The following ARMCX4 variants were observed in gnomAD, a reference collection of about 807,000 sequenced individuals.
The protein encoded by ARMCX4 is armadillo repeat-containing X-linked protein 4.
A neutral mutation model predicts 34.7 loss-of-function variants in ARMCX4; 3 were observed. The observed-to-expected ratio is 0.09, with a 90% CI of 0.04 to 0.22. The LOEUF (loss-of-function observed/expected upper bound fraction) is 0.22, where lower values mean the gene tolerates loss of function less well. Ranked by LOEUF, ARMCX4 falls within the 10% of genes least tolerant of loss-of-function variation. ARMCX4 has a pLI of 1.00. For synonymous variants in ARMCX4, 513 were observed against 632.8 expected, an observed-to-expected ratio of 0.81 and a Z score of 2.84; for missense variants, 1,448 against 1,720.8, an observed-to-expected ratio of 0.84 and a Z score of 2.81.
chrX:101,473,582 A>G (rs1556003576), intron 4 of ARMCX4, among the ~76,000 whole-genome samples: 1 of 110,258 alleles, frequency 9.1e-6, no homozygotes, highest in Non-Finnish European at 1.9e-5. Context: ...AGCAAATGTA[A>G]AAGAACAGAG....
chrX:101,457,513 C>T (rs938227721), intron 4 of ARMCX4, among the ~76,000 whole-genome samples: 36 of 110,936 alleles, frequency 3.2e-4, no homozygotes, highest in Non-Finnish European at 5.5e-4. Flanking sequence ...CACCTGAGGC[C>T]AGGAGTTTGA....
chrX:101,521,685 G>A (rs1171756946), intron 11 of ARMCX4, among the ~76,000 whole-genome samples: 1 of 110,720 alleles, frequency 9.0e-6, no homozygotes, highest in African/African-American at 3.3e-5. Context: ...TGTAAGCACT[G>A]TTTCAGCTGT....
At chrX:101,434,799 C>T (rs1246340555) in intron 2 of ARMCX4, among the ~76,000 whole-genome samples, 1 of 99,498 alleles carries the variant, frequency 1.0e-5, no homozygotes, top group Non-Finnish European at 2.0e-5. Flanking sequence ...CCCCTAACCC[C>T]ACAACAGGCC....
At chrX:101,430,568 G>T (rs1929936884) in intron 2 of ARMCX4, among the ~76,000 whole-genome samples, 1 of 112,412 alleles carries the variant, frequency 8.9e-6, no homozygotes, top group African/African-American at 3.2e-5. Flanking sequence ...GTGACAAATA[G>T]TCTAGCCTTT....
intron 11 of ARMCX4, among the ~76,000 whole-genome samples, chrX:101,526,270 G>A (rs1393611110): frequency 1.8e-5 from 2 of 111,754 alleles, no homozygotes; most frequent in Non-Finnish European, 3.8e-5. Flanking sequence ...ATCCTTTACA[G>A]ACAAGCAAAT....
At chrX:101,526,315 C>A (rs942670785) in intron 11 of ARMCX4, among the ~76,000 whole-genome samples, 2 of 111,846 alleles carry the variant, frequency 1.8e-5, no homozygotes, top group Admixed American at 1.9e-4. Flanking sequence ...GCCTGCCTTA[C>A]AAGAGCTCCT....
downstream of ARMCX4, among the ~76,000 whole-genome samples, chrX:101,451,966 A>G: frequency 8.9e-6 from 1 of 112,268 alleles, no homozygotes; most frequent in Non-Finnish European, 1.9e-5. Flanking sequence ...AAGATCGTTT[A>G]TATAGATAAG....
At chrX:101,520,894 G>GT (rs146605974) in intron 11 of ARMCX4, among the ~76,000 whole-genome samples, 4 of 102,019 alleles carry the variant, frequency 3.9e-5, no homozygotes, top group South Asian at 8.7e-4. Flanking sequence ...TCTTTATGAG[G>GT]TTTTTTTTTA....
chrX:101,451,893 C>G (rs141326803), downstream of ARMCX4, among the ~76,000 whole-genome samples: 13 of 112,239 alleles, frequency 1.2e-4, no homozygotes, highest in African/African-American at 4.2e-4. Flanking sequence ...AGGTTGAGGA[C>G]AGCCTGCCCA....
At chrX:101,445,879 G>A (rs1555997951) in intron 3 of ARMCX4, 1 of 111,312 alleles carries the variant, frequency 9.0e-6, no homozygotes, top group Non-Finnish European at 1.9e-5. Flanking sequence ...TAGTTAAAGT[G>A]AGCCACCTTT....
chrX:101,491,752 G>C lies in ARMCX4; in HGVS notation c.3163G>C (p.Glu1055Gln). Reference sequence around the variant, plus strand: ...CAAGTCTATGTCCACTTCTGAGGCAGAAGCCACAGCAGAAGATGAGGCCTA... The same window carrying C: ...CAAGTCTATGTCCACTTCTGAGGCACAAGCCACAGCAGAAGATGAGGCCTA... ...RDKSMSTSEA[E>Q]ATAEDEAYAK... is the part of the protein sequence containing the mutation. Residue 1055 changes from glutamate to glutamine, a missense_variant, in exon 6 of 6, where the codon GAA becomes CAA. Coordinates refer to ENST00000423738, the MANE Select transcript of ARMCX4 (RefSeq NM_001256155.3). The C allele has an allele frequency of 8.6e-7, 1 of 1,156,295 alleles. No individual in the cohort carries two copies. Among genetic ancestry groups the C allele is most frequent in the Admixed American group, 2.6e-5 (1 of 38,896 alleles).
rs1556008491 is a variant in ARMCX4, at chrX:101,490,543, C to A, written c.1954C>A (p.Pro652Thr). The A allele has an allele frequency of 2.6e-6, 3 of 1,155,595 alleles. No homozygotes were observed. The East Asian group carries it at 9.8e-5, about 38-fold the overall frequency. ...LGTKNKVKGN[P>T]NVVLKAEVGE... ...CACCAAGAATAAAGTTAAGGGTAAT[C>A]CCAATGTTGTGCTTAAGGCAGAAGT... The change falls in exon 6 of 6, where the codon CCC (proline) becomes ACC (threonine). Residue 652 changes from proline (P) to threonine (T), a missense_variant. By Grantham distance (38) the Pro-to-Thr change is conservative. This residue lies in a region of ARMCX4 where 1,343 missense variants were observed against 1,540.7 expected (regional missense o/e 0.87). Coordinates refer to ENST00000423738, the MANE Select transcript of ARMCX4 (RefSeq NM_001256155.3).
chrX:101,527,320 C>T (rs367983753), intron 11 of ARMCX4, among the ~76,000 whole-genome samples: 78 of 111,724 alleles, frequency 7.0e-4, no homozygotes, highest in African/African-American at 2.2e-3. Flanking sequence ...ATCTCTGGGA[C>T]GCATTTAAGC....
At chrX:101,418,645 G>A in intron 1 of ARMCX4, 1 of 111,651 alleles carries the variant, frequency 9.0e-6, no homozygotes, top group Non-Finnish European at 1.9e-5. Context: ...CCGACTCCGA[G>A]TGATCTCGGG....
intron 4 of ARMCX4, among the ~76,000 whole-genome samples, chrX:101,471,387 C>T (rs1412424940): frequency 8.9e-6 from 1 of 111,999 alleles, no homozygotes; most frequent in Non-Finnish European, 1.9e-5. Flanking sequence ...CTTTGCCTTC[C>T]TCTAGGACAT....
intron 4 of ARMCX4, among the ~76,000 whole-genome samples, chrX:101,458,607 C>A (rs966913814): frequency 2.2e-4 from 24 of 108,292 alleles, no homozygotes; most frequent in African/African-American, 6.4e-4. Flanking sequence ...GTGTCTCAGC[C>A]TCCCGAGTAG....
intron 4 of ARMCX4, among the ~76,000 whole-genome samples, chrX:101,456,905 T>G (rs1932315745): frequency 9.0e-6 from 1 of 110,960 alleles, no homozygotes; most frequent in Non-Finnish European, 1.9e-5. Flanking sequence ...TTATTTTAAA[T>G]AAAATATTTA....
upstream of ARMCX4, among the ~76,000 whole-genome samples, chrX:101,481,536 A>G (rs1933449571): frequency 1.8e-5 from 2 of 111,747 alleles, no homozygotes; most frequent in South Asian, 7.5e-4. Context: ...TAAGTTGAGA[A>G]ACATTTGTAC....
At chrX:101,425,296 G>A (rs918517190) in intron 2 of ARMCX4, among the ~76,000 whole-genome samples, 13 of 111,818 alleles carry the variant, frequency 1.2e-4, no homozygotes, top group Admixed American at 2.9e-4. Context: ...AGAATATGGA[G>A]GCATTGGTGT....
Sources: allele counts gnomAD v4.1 joint callset (sites outside exome capture counted in the v4.1 genomes callset), GRCh38; gene constraint gnomAD v4.1.1; regional missense constraint gnomAD v4.1.1; transcripts MANE v1.5; gene names NCBI Gene and HGNC (gene_info 2026-07-23, HGNC 2026-07-21).